The following GALC variants were observed in gnomAD, a reference collection of about 807,000 sequenced individuals.
The protein encoded by GALC is galactosylceramidase.
GALC carries 77 observed loss-of-function variants against 91.8 expected under a neutral mutation model. The observed-to-expected ratio is 0.84, with a 90% CI of 0.70 to 1.01. GALC has a LOEUF of 1.01. Among genes scored for constraint, GALC ranks in the 50% least tolerant of loss-of-function variants. The pLI is 0.00. For missense variants in GALC, 882 were observed against 855.9 expected, an observed-to-expected ratio of 1.03 and a Z score of -0.38; for synonymous variants, 357 against 306.7, an observed-to-expected ratio of 1.16 and a Z score of -1.71.
At chr14:87,988,344 G>T in intron 2 of GALC, 111 bp downstream of exon 2, 1 of 1,247,596 alleles carries the variant, frequency 8.0e-7, no homozygotes, top group Non-Finnish European at 1.2e-6. Context: ...CAAAAGTAAT[G>T]TGCCATTTTT....
intron 8 of GALC, among the ~76,000 whole-genome samples, chr14:87,967,565 T>C (rs573738988): frequency 6.6e-6 from 1 of 152,192 alleles, no homozygotes; most frequent in Non-Finnish European, 1.5e-5. Flanking sequence ...TGGAATCTAT[T>C]CACAATTCAA....
intron 7 of GALC, among the ~76,000 whole-genome samples, chr14:87,974,863 T>C (rs1886431671): frequency 6.6e-6 from 1 of 151,798 alleles, no homozygotes; most frequent in Non-Finnish European, 1.5e-5. Context: ...CAGAGGAAAA[T>C]TCATTACATT....
intron 6 of GALC, 80 bp downstream of exon 6, chr14:87,982,125 C>A: frequency 1.3e-6 from 1 of 741,194 alleles, no homozygotes; most frequent in East Asian, 2.7e-5. Context: ...CACAAATTTC[C>A]TACTATTTTC....
In GALC at chr14:87,980,729, C is replaced by G. The variant is rs555548906; in HGVS notation, c.621+1476G>C. ...CCAAATTATGACACATTTTAATTGT[C>G]TATATCTGACTTTATAACCACCCTC... On this transcript the variant is annotated intron_variant, in intron 6 of 16. Transcript: ENST00000261304. 1.3e-5 allele frequency: 2 copies of G among 152,620 alleles called. 1 individual carries two copies. The highest frequency in any genetic ancestry group is 1.3e-4 in the Admixed American group (2 of 15,290). The allele number at this position is 152,620 out of a possible 1,614,324, so 9.5% of individuals were successfully genotyped here.
chr14:87,974,880 C>G (rs1886432850), intron 7 of GALC, among the ~76,000 whole-genome samples: 1 of 151,706 alleles, frequency 6.6e-6, no homozygotes, highest in Non-Finnish European at 1.5e-5. Context: ...CATTAAAATA[C>G]CTATATCAAT....
At chr14:87,948,290 A>C (rs1885158125) in intron 12 of GALC, among the ~76,000 whole-genome samples, 1 of 152,056 alleles carries the variant, frequency 6.6e-6, no homozygotes, top group South Asian at 2.1e-4. Flanking sequence ...CCCAGCTGTT[A>C]ATCACAGAAA....
intron 10 of GALC, chr14:87,954,285 C>A: frequency 1.3e-6 from 2 of 1,554,996 alleles, no homozygotes; most frequent in South Asian, 2.2e-5. Context: ...CCACACAATA[C>A]TAAGAGTTGT....
At chr14:87,949,415 G>A (rs901902787) in intron 12 of GALC, among the ~76,000 whole-genome samples, 2 of 151,948 alleles carry the variant, frequency 1.3e-5, no homozygotes, top group African/African-American at 4.8e-5. Context: ...AATCAGATCT[G>A]CATTTTTGAC....
intron 1 of GALC, chr14:87,989,694 A>G (rs980455979): frequency 2.0e-5 from 3 of 152,378 alleles, no homozygotes; most frequent in South Asian, 2.1e-4. Flanking sequence ...TGAGAACAGT[A>G]TAAGTGGTCT....
chr14:87,952,156 T>C (rs993377200), intron 10 of GALC, among the ~76,000 whole-genome samples: 1 of 151,306 alleles, frequency 6.6e-6, no homozygotes, highest in Non-Finnish European at 1.5e-5. Context: ...CAAAAACAAA[T>C]TTAAAAACCA....
intron 3 of GALC, 148 bp downstream of exon 3, chr14:87,987,996 C>T: frequency 1.5e-6 from 1 of 651,690 alleles, no homozygotes; most frequent in Non-Finnish European, 2.7e-6. Flanking sequence ...TAAATAATTA[C>T]AGTTAAAAAA....
At chr14:87,948,554 T>C (rs577967819) in intron 12 of GALC, among the ~76,000 whole-genome samples, 103 of 152,204 alleles carry the variant, frequency 6.8e-4, no homozygotes, top group African/African-American at 2.3e-3. Flanking sequence ...AGTTGTTCTA[T>C]GCTAAATGTA....
chr14:87,936,001 G>A (rs1017807265), intron 16 of GALC, among the ~76,000 whole-genome samples: 3 of 151,836 alleles, frequency 2.0e-5, no homozygotes, highest in Admixed American at 6.6e-5. Context: ...TATTAACACC[G>A]AGCCAAGGGA....
At chr14:87,937,169 G>A (rs912367875) in intron 16 of GALC, among the ~76,000 whole-genome samples, 1 of 151,588 alleles carries the variant, frequency 6.6e-6, no homozygotes, top group African/African-American at 2.4e-5. Context: ...CATAGAAGAT[G>A]ATGTTTTGTT....
intron 9 of GALC, among the ~76,000 whole-genome samples, chr14:87,965,178 AATAC>A (rs1398303254): frequency 1.3e-5 from 2 of 152,128 alleles, no homozygotes; most frequent in Non-Finnish European, 2.9e-5. Flanking sequence ...TCTGTTTATA[AATAC>A]ATAATCTTAT....
chr14:87,971,160 C>T lies in GALC; in HGVS notation c.753-2670G>A, dbSNP rs145252172. On this transcript the variant is annotated intron_variant, in intron 7 of 16. Transcript: ENST00000261304. The stretch of plus-strand genomic sequence containing the variant: ...AACCAGATAAGGGAAAGGAAAAACT[C>T]ACAGATAACACTGCCATCAAACCAG... 1.7e-4 allele frequency among the ~76,000 whole-genome samples: 26 copies of T among 152,252 alleles called. No individual in the cohort carries two copies. In the East Asian group the frequency reaches 3.5e-3, roughly 20 times the overall value.
chr14:87,952,997 C>T, intron 10 of GALC: 11 of 1,054,574 alleles, frequency 1.0e-5, no homozygotes, highest in Non-Finnish European at 1.3e-5. Context: ...TTCAGTTAGA[C>T]CACAAATGTG....
chr14:87,952,576 T>C (rs1595201167), intron 10 of GALC: 1 of 1,142,272 alleles, frequency 8.8e-7, no homozygotes, highest in African/African-American at 1.5e-5. Context: ...GTTTCTTTAA[T>C]GTCCGTTGCT....
chr14:87,950,506 G>A (rs1217962977), intron 11 of GALC, among the ~76,000 whole-genome samples, 153 bp downstream of exon 11: 1 of 151,836 alleles, frequency 6.6e-6, no homozygotes, highest in Non-Finnish European at 1.5e-5. Context: ...ATTAAAGCAA[G>A]TCGGAAGACA....
Sources: gnomAD v4.1 joint callset for allele counts (sites outside exome capture counted in the v4.1 genomes callset) on GRCh38, gnomAD v4.1.1 for gene constraint, MANE v1.5 for transcripts, NCBI Gene and HGNC (gene_info 2026-07-23, HGNC 2026-07-21) for gene names.